Variants in PRICKLE2 observed in about 807,000 individuals in gnomAD.
PRICKLE2 encodes prickle-like protein 2.
PRICKLE2 carries 21 observed loss-of-function variants against 81.4 expected under a neutral mutation model. The observed-to-expected ratio is 0.26, with a 90% CI of 0.18 to 0.37. The LOEUF (loss-of-function observed/expected upper bound fraction) is 0.37. PRICKLE2 is among the 10% of genes least tolerant of loss of function. PRICKLE2 has a pLI of 1.00. For missense variants in PRICKLE2, 940 were observed against 1,109.0 expected (o/e 0.85, Z 2.16); for synonymous variants, 456 against 421.5 (o/e 1.08, Z -1.00).
intron 1 of PRICKLE2, among the ~76,000 whole-genome samples, chr3:64,203,532 C>G (rs1462833773): frequency 2.0e-5 from 3 of 152,112 alleles, no homozygotes; most frequent in Non-Finnish European, 1.5e-5. Context: ...TATTCACATA[C>G]TAATTATGCA....
chr3:64,119,324 A>G (rs2076990270), intron 7 of PRICKLE2, among the ~76,000 whole-genome samples: 2 of 152,198 alleles, frequency 1.3e-5, no homozygotes, highest in Admixed American at 6.5e-5. Flanking sequence ...CCATAACACA[A>G]GTTTACCTAC....
chr3:64,156,904 G>A (rs1260484725), intron 5 of PRICKLE2, among the ~76,000 whole-genome samples: 1 of 152,162 alleles, frequency 6.6e-6, no homozygotes, highest in Admixed American at 6.5e-5. Context: ...CCAGTTATAT[G>A]TCACTTGGGG....
At chr3:64,248,318 C>CA (rs2079390461) in intron 2 of PRICKLE2, among the ~76,000 whole-genome samples, 1 of 151,936 alleles carries the variant, frequency 6.6e-6, no homozygotes, top group South Asian at 2.1e-4. Context: ...AATAATTAGG[C>CA]AAAAAAACAA....
At chr3:64,267,468 T>C (rs1388909690) in intron 2 of PRICKLE2, among the ~76,000 whole-genome samples, 4 of 152,122 alleles carry the variant, frequency 2.6e-5, no homozygotes. Flanking sequence ...AAAGTAGATC[T>C]TCCTGGAGAT....
intron 2 of PRICKLE2, among the ~76,000 whole-genome samples, chr3:64,258,225 G>A (rs1342196133): frequency 1.3e-5 from 2 of 152,114 alleles, no homozygotes; most frequent in Non-Finnish European, 2.9e-5. Context: ...AAAGTACTGT[G>A]GATTTTGTCC....
intron 5 of PRICKLE2, among the ~76,000 whole-genome samples, chr3:64,156,256 A>T (rs1211481006): frequency 6.6e-6 from 1 of 152,186 alleles, no homozygotes; most frequent in Non-Finnish European, 1.5e-5. Flanking sequence ...GTTGAGCCTG[A>T]TCAGCTTCCT....
At chr3:64,226,057 C>T (rs2079027727), upstream of PRICKLE2, among the ~76,000 whole-genome samples, 1 of 152,112 alleles carries the variant, frequency 6.6e-6, no homozygotes, top group Non-Finnish European at 1.5e-5. Context: ...TAACCCCTTA[C>T]CCCAATTCCA....
chr3:64,225,577 C>T (rs1326423263), upstream of PRICKLE2: 3 of 438,788 alleles, frequency 6.8e-6, no homozygotes, highest in East Asian at 4.7e-4. Flanking sequence ...GTAAATTAGC[C>T]TTGCCTTCCA....
At chr3:64,231,244 G>C (rs72882395) in intron 2 of PRICKLE2, among the ~76,000 whole-genome samples, 2,385 of 152,156 alleles carry the variant, frequency 0.016, 58 homozygotes, top group African/African-American at 0.054. Flanking sequence ...CAAAATGAAA[G>C]AGTGCTAAAG....
chr3:64,170,718 A>C (rs1338081822), intron 2 of PRICKLE2, among the ~76,000 whole-genome samples: 4 of 151,188 alleles, frequency 2.6e-5, no homozygotes, highest in South Asian at 4.2e-4. Context: ...AAAAAAAAAA[A>C]AAAAAAACAG....
At chr3:64,239,753 T>C (rs375406177) in intron 2 of PRICKLE2, among the ~76,000 whole-genome samples, 1 of 152,042 alleles carries the variant, frequency 6.6e-6, no homozygotes, top group Non-Finnish European at 1.5e-5. Flanking sequence ...AAAATAATTA[T>C]TAAGTGTAAG....
intron 7 of PRICKLE2, among the ~76,000 whole-genome samples, chr3:64,132,522 A>C (rs1353376619): frequency 6.6e-6 from 1 of 152,228 alleles, no homozygotes; most frequent in Non-Finnish European, 1.5e-5. Flanking sequence ...CCTGACCCAC[A>C]GAAGGACTAG....
chr3:64,192,186 G>T (rs977551132), intron 2 of PRICKLE2, among the ~76,000 whole-genome samples: 9 of 152,100 alleles, frequency 5.9e-5, no homozygotes, highest in African/African-American at 2.2e-4. Context: ...AGTGTGATGC[G>T]ACCTGAACAT....
chr3:64,258,887 AAG>A (rs2079573537), intron 2 of PRICKLE2, among the ~76,000 whole-genome samples: 1 of 150,934 alleles, frequency 6.6e-6, no homozygotes, highest in Non-Finnish European at 1.5e-5. Flanking sequence ...GAAAGAAAGA[AAG>A]AAAGAAATCA....
rs116121435 is a variant in PRICKLE2, at chr3:64,232,775, C to A, written c.129-33808G>T. Among the ~76,000 whole-genome samples, 908 of 152,262 alleles carry A rather than the reference C, an allele frequency of 6.0e-3. 3 individuals carry two copies. The highest frequency in any genetic ancestry group is 9.9e-3 in the Non-Finnish European group (671 of 68,024). On this transcript the variant is annotated intron_variant, in intron 2 of 8. Transcript: ENST00000295902. Reference sequence around the variant, plus strand: ...CTCTTAATTCCCAGTTGAGTCCACACCATATCCCCCACAATCTGCTCCATC... The same window carrying A: ...CTCTTAATTCCCAGTTGAGTCCACAACATATCCCCCACAATCTGCTCCATC...
At chr3:64,116,981 T>C (rs529682280) in intron 7 of PRICKLE2, among the ~76,000 whole-genome samples, 1 of 152,142 alleles carries the variant, frequency 6.6e-6, no homozygotes, top group East Asian at 1.9e-4. Context: ...CAGCAGCACA[T>C]CAAAAAGCTT....
chr3:64,160,089 C>CA lies in PRICKLE2; in HGVS notation c.259-13dup. The CA allele has an allele frequency of 6.2e-7, 1 of 1,613,502 alleles. No homozygotes were observed. Among genetic ancestry groups the CA allele is most frequent in the Non-Finnish European group, 8.5e-7 (1 of 1,179,686 alleles). On this transcript the variant is annotated splice_polypyrimidine_tract_variant and intron_variant, in intron 3 of 7. Transcript: ENST00000638394. ...TTGCAATATCGAACCTGAATAGACA[C>CA]AGACAATGGCATGGAAAAAGTCACC... is the stretch of plus-strand genomic sequence containing the variant.
intron 2 of PRICKLE2, among the ~76,000 whole-genome samples, chr3:64,246,992 T>C (rs919407545): frequency 6.6e-6 from 1 of 152,200 alleles, no homozygotes; most frequent in South Asian, 2.1e-4. Flanking sequence ...ACAGCCTCCA[T>C]GGTTCAATCG....
chr3:64,267,007 A>C (rs1348632179), intron 2 of PRICKLE2, among the ~76,000 whole-genome samples: 1 of 151,804 alleles, frequency 6.6e-6, no homozygotes, highest in Non-Finnish European at 1.5e-5. Flanking sequence ...GGTACACACA[A>C]GTGAACAGAT....
Sources: allele counts gnomAD v4.1 joint callset (sites outside exome capture counted in the v4.1 genomes callset), GRCh38; gene constraint gnomAD v4.1.1; transcripts MANE v1.5; gene names NCBI Gene and HGNC (gene_info 2026-07-23, HGNC 2026-07-21).